Variants in MED23 observed in about 807,000 individuals in gnomAD.
The protein encoded by MED23 is mediator complex subunit 23.
Under a neutral mutation model 163.9 loss-of-function variants are expected in MED23, and 105 were observed. That is an observed-to-expected ratio of 0.64 (90% CI 0.55 to 0.75). The LOEUF (loss-of-function observed/expected upper bound fraction) is 0.75, where lower values mean the gene tolerates loss of function less well. MED23 is among the 30% of genes least tolerant of loss of function. The probability of loss-of-function intolerance (pLI) is 0.00; values close to 1 mark genes in which losing one functional copy is unlikely to be tolerated. For missense variants in MED23, 1,054 were observed against 1,649.0 expected, an observed-to-expected ratio of 0.64 and a Z score of 6.25; for synonymous variants, 561 against 565.6, an observed-to-expected ratio of 0.99 and a Z score of 0.12.
Position 131,627,685 on chromosome 6 carries a change from A to AAC in MED23, c.40-14_40-13insGT, listed in dbSNP as rs748498659. The AAC allele has an allele frequency of 1.2e-5, 19 of 1,602,590 alleles. No individual in the cohort carries two copies. Among genetic ancestry groups the AAC allele is most frequent in the East Asian group, 6.7e-5 (3 of 44,842 alleles). On this transcript the variant is annotated splice_polypyrimidine_tract_variant and intron_variant, in intron 1 of 28. Coordinates refer to ENST00000368068, the MANE Select transcript of MED23 (RefSeq NM_004830.4). Reference sequence around the variant, plus strand: ...TAACTTCCGTTTTCTGTAAAAAAAAAAAAAACAAAATGTAAACAATGTTAA... The same window carrying AAC: ...TAACTTCCGTTTTCTGTAAAAAAAAAACAAAAACAAAATGTAAACAATGTTAA...
intron 11 of MED23, among the ~76,000 whole-genome samples, chr6:131,609,567 C>A (rs1310730820): frequency 2.2e-5 from 3 of 134,692 alleles, no homozygotes; most frequent in Non-Finnish European, 3.0e-5. Flanking sequence ...GGCTGGAGTG[C>A]AGTCGTGTGA....
Position 131,590,339 on chromosome 6 carries a change from T to A in MED23, c.3790A>T (p.Thr1264Ser). Reference protein sequence around the residue: ...PFLQRFQQERTRCMIEIGVAF... With the variant: ...PFLQRFQQERSRCMIEIGVAF... ...TATTTTACCTCTATCATACAACGAG[T>A]TCTCTCTTGCTGAAATCTTTGTAAA... The change falls in exon 27 of 29, where the codon ACT becomes TCT. Residue 1264 changes from threonine (T) to serine (S), a missense_variant. Transcript: ENST00000368068. 2.5e-6 allele frequency: 4 copies of A among 1,612,598 alleles called. No homozygotes were observed. The highest frequency in any genetic ancestry group is 3.4e-6 in the Non-Finnish European group (4 of 1,178,936).
downstream of MED23, among the ~76,000 whole-genome samples, chr6:131,584,766 G>A (rs1178866191): frequency 6.6e-6 from 1 of 150,868 alleles, no homozygotes; most frequent in Non-Finnish European, 1.5e-5. Context: ...TTGAGTCCAG[G>A]AGTTTGTGAC....
In MED23 at chr6:131,587,844, T is replaced by C; in HGVS notation, c.3942A>G (p.Val1314=). Residue 1314 remains valine (V), a splice_region_variant and synonymous_variant, in exon 29 of 29, where the codon GTA becomes GTG. Transcript: ENST00000368068. ...GTTTTAAGTTACAGATAATCTTCTC[T>C]ACCTAAGAAATAAAAACACATTAAA... The part of the protein sequence containing the change: ...MFTGDSVKEQ[V]EKIICNLKPA... 1.2e-6 allele frequency: 2 copies of C among 1,611,082 alleles called. No homozygotes were observed. The highest frequency in any genetic ancestry group is 8.5e-7 in the Non-Finnish European group (1 of 1,177,952).
intron 7 of MED23, 112 bp downstream of exon 7, chr6:131,620,516 G>A (rs761591108): frequency 6.8e-6 from 5 of 739,022 alleles, no homozygotes; most frequent in Non-Finnish European, 1.2e-5. Flanking sequence ...CCCAGGTTGG[G>A]TCTTGAACTC....
chr6:131,590,537 A>G (rs1409811510), intron 26 of MED23, 95 bp from the exon 27 acceptor site: 3 of 825,954 alleles, frequency 3.6e-6, no homozygotes, highest in Non-Finnish European at 5.6e-6. Flanking sequence ...ACAATAAAAT[A>G]TAATTTTTTA....
At position 131,587,836 on chromosome 6, in the gene MED23, A is replaced by G. The variant is rs755998904; in HGVS notation, c.3950T>C (p.Ile1317Thr). 6.2e-7 allele frequency: 1 copy of G among 1,612,948 alleles called. No homozygotes were observed. The change falls in exon 29 of 29, where the codon ATT becomes ACT. Residue 1317 changes from isoleucine to threonine, a missense_variant. Ile to Thr is a moderately conservative substitution (Grantham distance 89). Transcript: ENST00000368068. ...TAAAGCTGGTTTTAAGTTACAGATAATCTTCTCTACCTAAGAAATAAAAAC... is the reference window on the plus strand; with the variant it reads ...TAAAGCTGGTTTTAAGTTACAGATAGTCTTCTCTACCTAAGAAATAAAAAC... The part of the protein sequence containing the change: ...GDSVKEQVEK[I>T]ICNLKPALKL...
In MED23 at chr6:131,627,746, A is replaced by G. The variant is rs964815943; in HGVS notation, c.40-74T>C. On this transcript the variant is annotated intron_variant, in intron 1 of 28. Transcript: ENST00000368068. The stretch of plus-strand genomic sequence containing the variant: ...GCGCCTCCCTTAGCCAAGTATTACA[A>G]TGTAACACAGGGCAAGTCACCTTAA... 5 of 1,387,270 alleles carry G rather than the reference A, an allele frequency of 3.6e-6. No individual in the cohort carries two copies. The African/African-American group carries it at 4.4e-5, about 12-fold the overall frequency. 85.9% of individuals were successfully genotyped at this position (1,387,270 alleles called of 1,614,324 possible).
At chr6:131,605,138 CCTGA>C in intron 14 of MED23, 98 bp downstream of exon 14, 6 of 1,268,462 alleles carry the variant, frequency 4.7e-6, no homozygotes, top group East Asian at 2.4e-5. Context: ...CTCAAATGTA[CCTGA>C]CTATGAAATA....
At chr6:131,574,102 G>A (rs969189785) in exon 31 of MED23, 1 of 703,190 alleles carries the variant, frequency 1.4e-6, no homozygotes, top group African/African-American at 1.8e-5. Flanking sequence ...CTAGTAAAGA[G>A]AGTGTGATGA....
chr6:131,589,544 T>C lies in MED23; in HGVS notation c.3860A>G (p.His1287Arg), dbSNP rs150598354. 877 of 1,613,878 alleles carry C rather than the reference T, an allele frequency of 5.4e-4. No individual in the cohort carries two copies. Among genetic ancestry groups the C allele is most frequent in the Non-Finnish European group, 6.9e-4 (818 of 1,179,810 alleles). Reference sequence around the variant, plus strand: ...ACAGATGGGATCCATGTAATTTAAATGGGTGCTACACTGGTCAACATTCAG... The same window carrying C: ...ACAGATGGGATCCATGTAATTTAAACGGGTGCTACACTGGTCAACATTCAG... Reference protein sequence around the residue: ...MLLNVDQCSTHLNYMDPICDF... With the variant: ...MLLNVDQCSTRLNYMDPICDF... Residue 1287 changes from histidine to arginine, a missense_variant, in exon 28 of 29, where the codon CAT (histidine) becomes CGT (arginine). Around this residue, in one of 11 missense-constraint regions of MED23, gnomAD observed 362 missense variants for 471.6 expected, o/e 0.77. Transcript: ENST00000368068.
rs182106399 is a variant in MED23 at position 131,578,524 on chromosome 6, C to T, written c.4096-4229G>A. On this transcript the variant is annotated intron_variant, in intron 30 of 30. Transcript: ENST00000354577. ...AAGAATAACTAAAAAGCTTTATTTC[C>T]GAAGCTTCCAAAGTGTTAGGCTCAG... 7.2e-5 allele frequency among the ~76,000 whole-genome samples: 11 copies of T among 152,076 alleles called. No homozygotes were observed. In the East Asian group the frequency reaches 9.7e-4, roughly 13 times the overall value.
intron 14 of MED23, among the ~76,000 whole-genome samples, chr6:131,605,028 G>A (rs568654320): frequency 2.0e-5 from 3 of 152,118 alleles, no homozygotes; most frequent in Non-Finnish European, 4.4e-5. Context: ...TATCTCTCAT[G>A]TAGAGATTAC....
intron 9 of MED23, 59 bp from the exon 10 acceptor site, chr6:131,616,061 A>G: frequency 1.5e-6 from 2 of 1,363,336 alleles, no homozygotes; most frequent in Middle Eastern, 1.8e-4. Flanking sequence ...AATCCAAATT[A>G]TTAGAAATGA....
intron 7 of MED23, among the ~76,000 whole-genome samples, 175 bp downstream of exon 7, chr6:131,620,453 T>C (rs1777012654): frequency 6.6e-6 from 1 of 152,026 alleles, no homozygotes; most frequent in African/African-American, 2.4e-5. Context: ...GCCTGGCTAA[T>C]ATGTGTGCGT....
chr6:131,625,848 C>A (rs971665373), intron 3 of MED23, among the ~76,000 whole-genome samples: 26 of 151,918 alleles, frequency 1.7e-4, no homozygotes, highest in African/African-American at 3.1e-4. Context: ...CTCAGCCGGG[C>A]GCGGTGGCTC....
At chr6:131,589,834 A>T (rs76705003) in intron 27 of MED23, among the ~76,000 whole-genome samples, 4,744 of 152,258 alleles carry the variant, frequency 0.031, 246 homozygotes, top group African/African-American at 0.11. Context: ...CTTCATAGTT[A>T]AGTAATTTCT....
At chr6:131,584,337 G>GTGTC (rs907113409), downstream of MED23, 3 of 181,430 alleles carry the variant, frequency 1.7e-5, no homozygotes, top group African/African-American at 7.4e-5. Flanking sequence ...AGATTATATT[G>GTGTC]TGTCTACATA....
chr6:131,583,783 C>T (rs1423942491), downstream of MED23: 1 of 1,614,050 alleles, frequency 6.2e-7, no homozygotes, highest in Non-Finnish European at 8.5e-7. Context: ...GAACCCATCC[C>T]TGGGGAAGAC....
Sources: gnomAD v4.1 joint callset for allele counts (sites outside exome capture counted in the v4.1 genomes callset) on GRCh38, gnomAD v4.1.1 for gene constraint, gnomAD v4.1.1 regional missense constraint, MANE v1.5 for transcripts, NCBI Gene and HGNC (gene_info 2026-07-23, HGNC 2026-07-21) for gene names.